The following PLA2G4A variants were observed in gnomAD, a reference collection of about 807,000 sequenced individuals.
PLA2G4A encodes cytosolic phospholipase A2.
A neutral mutation model predicts 81.9 loss-of-function variants in PLA2G4A; 40 were observed. That is an observed-to-expected ratio of 0.49 (90% CI 0.38 to 0.64). PLA2G4A has a LOEUF of 0.64. Among genes scored for constraint, PLA2G4A ranks in the 30% least tolerant of loss-of-function variants. PLA2G4A has a pLI of 0.00. For missense variants in PLA2G4A, 715 were observed against 905.1 expected (o/e 0.79, Z 2.69); for synonymous variants, 302 against 296.9 (o/e 1.02, Z -0.18).
At chr1:186,859,133 G>A (rs1652705093) in intron 2 of PLA2G4A, among the ~76,000 whole-genome samples, 4 of 152,104 alleles carry the variant, frequency 2.6e-5, no homozygotes, top group African/African-American at 7.2e-5. Context: ...TTGCCTCAAG[G>A]CCAGGAGACT....
At chr1:186,911,410 G>A (rs1177797307) in intron 7 of PLA2G4A, 21 bp downstream of exon 7, 4 of 1,557,240 alleles carry the variant, frequency 2.6e-6, no homozygotes, top group African/African-American at 1.4e-5. Flanking sequence ...AATTTTTCAA[G>A]TGTTACTATA....
chr1:186,903,393 G>T (rs1379637710), intron 5 of PLA2G4A, among the ~76,000 whole-genome samples: 1 of 152,074 alleles, frequency 6.6e-6, no homozygotes, highest in African/African-American at 2.4e-5. Flanking sequence ...AAATTATTTT[G>T]CTATATGCAT....
At chr1:186,944,596 G>T (rs1269689705) in intron 10 of PLA2G4A, among the ~76,000 whole-genome samples, 2 of 152,162 alleles carry the variant, frequency 1.3e-5, no homozygotes, top group South Asian at 2.1e-4. Context: ...GTACCATTTG[G>T]CTTTGACATA....
rs531503196 is a variant in PLA2G4A, at chr1:186,890,091, G to C, written c.116-2920G>C. 4.7e-4 allele frequency among the ~76,000 whole-genome samples: 72 copies of C among 152,276 alleles called. 2 individuals carry two copies. In the Middle Eastern group the frequency reaches 0.01, roughly 22 times the overall value. On this transcript the variant is annotated intron_variant, in intron 3 of 17. Coordinates refer to ENST00000367466, the MANE Select transcript of PLA2G4A (RefSeq NM_024420.3). ...TTTAAATGAGACTAATGTGTGTAAA[G>C]TACTTAACACAGATCCCTGTAGTCA...
intron 5 of PLA2G4A, among the ~76,000 whole-genome samples, chr1:186,904,874 A>G (rs551412336): frequency 6.6e-6 from 1 of 151,640 alleles, no homozygotes; most frequent in Non-Finnish European, 1.5e-5. Context: ...TTTTTTTGAG[A>G]CAGAATTTTC....
Position 186,939,968 on chromosome 1 carries a change from T to C in PLA2G4A, c.919-12T>C. On this transcript the variant is annotated splice_polypyrimidine_tract_variant and intron_variant, in intron 9 of 17. Coordinates refer to ENST00000367466, the MANE Select transcript of PLA2G4A (RefSeq NM_024420.3). Reference sequence around the variant, plus strand: ...AAATTTAAAGTCATCTTTTTCTTTCTTCTGTGGACAGAGAATGAATACTAC... The same window carrying C: ...AAATTTAAAGTCATCTTTTTCTTTCCTCTGTGGACAGAGAATGAATACTAC... 8.2e-7 allele frequency: 1 copy of C among 1,225,126 alleles called. No homozygotes were observed. The highest frequency in any genetic ancestry group is 2.3e-5 in the East Asian group (1 of 43,188). 75.9% of individuals were successfully genotyped at this position (1,225,126 alleles called of 1,614,324 possible). A position where few individuals can be genotyped will look rare whatever the true frequency, so the allele number is the denominator to read the frequency against.
chr1:186,870,582 TC>T, intron 3 of PLA2G4A, 66 bp downstream of exon 3: 1 of 1,247,286 alleles, frequency 8.0e-7, no homozygotes. Flanking sequence ...TTGCTTGAGT[TC>T]CTTGACAAAT....
chr1:186,909,741 A>AT (rs1053091297), intron 6 of PLA2G4A, among the ~76,000 whole-genome samples: 1 of 151,804 alleles, frequency 6.6e-6, no homozygotes, highest in African/African-American at 2.4e-5. Context: ...ATATTTAATA[A>AT]TTGTATAACC....
Position 186,939,106 on chromosome 1 carries a change from T to A in PLA2G4A, c.794T>A (p.Leu265Ter). ...LMKNVSHNPL[L>*]LLTPQKVKRY... ...AAAAATGTTAGCCACAATCCCCTTT[T>A]ACTTCTCACACCACAGAAAGTTAAA... Residue 265 changes from leucine to a stop codon, truncating the protein, a stop_gained, in exon 9 of 18, where the codon TTA (leucine) becomes TAA (stop). Coordinates refer to ENST00000367466, the MANE Select transcript of PLA2G4A (RefSeq NM_024420.3). LOFTEE classifies it high-confidence loss of function. 3 of 1,608,416 alleles carry A rather than the reference T, an allele frequency of 1.9e-6. No individual in the cohort carries two copies. In the South Asian group the frequency reaches 3.3e-5, roughly 18 times the overall value.
chr1:186,956,496 GT>G (rs974792615), intron 14 of PLA2G4A, 152 bp downstream of exon 14: 46 of 777,848 alleles, frequency 5.9e-5, no homozygotes, highest in Middle Eastern at 2.8e-4. Context: ...AATGACTAGG[GT>G]TTTTTTTTTG....
intron 17 of PLA2G4A, among the ~76,000 whole-genome samples, chr1:186,987,154 T>G (rs1049201909): frequency 9.2e-5 from 14 of 152,228 alleles, no homozygotes; most frequent in African/African-American, 2.7e-4. Context: ...TAATTGCATG[T>G]TTGCACCATT....
intron 5 of PLA2G4A, among the ~76,000 whole-genome samples, chr1:186,897,318 A>G (rs1654367111): frequency 6.6e-6 from 1 of 152,042 alleles, no homozygotes; most frequent in African/African-American, 2.4e-5. Context: ...AATTGAGAGA[A>G]TGGACCCTCG....
In PLA2G4A at chr1:186,927,642, A is replaced by C. The variant is rs183119460; in HGVS notation, c.559-5121A>C. On this transcript the variant is annotated intron_variant, in intron 7 of 17. Coordinates refer to ENST00000367466, the MANE Select transcript of PLA2G4A (RefSeq NM_024420.3). ...AGGAAGACAATAAGGACCATATTTC[A>C]GTTTAAACAAATAGACAGCTTTGGA... is the stretch of plus-strand genomic sequence containing the variant. Among the ~76,000 whole-genome samples, 229 of 152,336 alleles carry C rather than the reference A, an allele frequency of 1.5e-3. 2 individuals are homozygous for C. The highest frequency in any genetic ancestry group is 1.9e-3 in the South Asian group (9 of 4,824).
chr1:186,960,792 G>A (rs1246938565), intron 14 of PLA2G4A, among the ~76,000 whole-genome samples: 1 of 152,162 alleles, frequency 6.6e-6, no homozygotes, highest in Non-Finnish European at 1.5e-5. Flanking sequence ...GAATTATTTG[G>A]AGGATTGGTT....
chr1:186,949,358 AAG>A (rs900588334), intron 12 of PLA2G4A, among the ~76,000 whole-genome samples: 21 of 138,578 alleles, frequency 1.5e-4, no homozygotes, highest in Admixed American at 1.4e-3. Flanking sequence ...GAAAGAAAGA[AAG>A]AGAAAGAAAG....
chr1:186,846,706 A>T (rs960869954), intron 1 of PLA2G4A, among the ~76,000 whole-genome samples: 1 of 152,130 alleles, frequency 6.6e-6, no homozygotes, highest in African/African-American at 2.4e-5. Flanking sequence ...TGTTATTGGA[A>T]GCATGGTTGG....
intron 3 of PLA2G4A, among the ~76,000 whole-genome samples, chr1:186,871,393 A>G (rs1478077490): frequency 1.3e-5 from 2 of 152,214 alleles, no homozygotes; most frequent in African/African-American, 4.8e-5. Context: ...TCTTAGATTT[A>G]ACATCTTAGA....
chr1:186,867,182 A>C (rs1466157687), intron 2 of PLA2G4A, among the ~76,000 whole-genome samples: 1 of 151,928 alleles, frequency 6.6e-6, no homozygotes, highest in Admixed American at 6.6e-5. Context: ...TGTGTTTACT[A>C]TTCTGGGTCT....
intron 12 of PLA2G4A, among the ~76,000 whole-genome samples, chr1:186,949,658 T>A (rs1571433307): frequency 6.6e-6 from 1 of 152,216 alleles, no homozygotes; most frequent in South Asian, 2.1e-4. Flanking sequence ...TAAATGTCAA[T>A]CCATTGCCTT....
Sources: allele counts gnomAD v4.1 joint callset (sites outside exome capture counted in the v4.1 genomes callset), GRCh38; gene constraint gnomAD v4.1.1; transcripts MANE v1.5; gene names NCBI Gene and HGNC (gene_info 2026-07-23, HGNC 2026-07-21).